The following DPYD variants were observed in gnomAD, a reference collection of about 807,000 sequenced individuals.
DPYD encodes the protein dihydropyrimidine dehydrogenase, also known as dihydropyrimidine dehydrogenase [NADP(+)].
Under a neutral mutation model 116.2 loss-of-function variants are expected in DPYD, and 109 were observed. The ratio of observed to expected loss-of-function variants is 0.94; its 90% CI spans 0.80 to 1.10. DPYD has a LOEUF of 1.10. DPYD is among the 50% of genes least tolerant of loss of function. DPYD has a pLI of 0.00. For missense variants in DPYD, 1,302 were observed against 1,254.5 expected, an observed-to-expected ratio of 1.04 and a Z score of -0.57; for synonymous variants, 440 against 432.0, an observed-to-expected ratio of 1.02 and a Z score of -0.23.
At chr1:97,690,405 A>C (rs987734727) in intron 7 of DPYD, among the ~76,000 whole-genome samples, 2 of 151,940 alleles carry the variant, frequency 1.3e-5, no homozygotes, top group South Asian at 4.1e-4. Context: ...TATAAGATAA[A>C]TGGAGAAATA....
At chr1:97,616,129 A>G (rs371765584) in intron 8 of DPYD, among the ~76,000 whole-genome samples, 123 of 147,472 alleles carry the variant, frequency 8.3e-4, no homozygotes, top group African/African-American at 3.0e-3. Flanking sequence ...TTTACACTGC[A>G]CTCTAATAAA....
intron 13 of DPYD, among the ~76,000 whole-genome samples, chr1:97,487,326 A>G (rs944091283): frequency 6.6e-6 from 1 of 152,224 alleles, no homozygotes; most frequent in Admixed American, 6.5e-5. Flanking sequence ...TAAATGGCAA[A>G]TAAGCATGTG....
At chr1:97,708,995 C>A (rs2100996953) in intron 5 of DPYD, among the ~76,000 whole-genome samples, 1 of 151,498 alleles carries the variant, frequency 6.6e-6, no homozygotes, top group South Asian at 2.1e-4. Context: ...TCCTTTTTTG[C>A]CAAAATTGTG....
At chr1:97,890,351 A>T (rs560087373) in intron 1 of DPYD, among the ~76,000 whole-genome samples, 1 of 152,096 alleles carries the variant, frequency 6.6e-6, no homozygotes, top group Admixed American at 6.6e-5. Flanking sequence ...TCACTGTAAT[A>T]CCACTAAAAC....
intron 3 of DPYD, among the ~76,000 whole-genome samples, chr1:97,769,090 G>A (rs140094576): frequency 1.3e-3 from 199 of 152,080 alleles, no homozygotes; most frequent in African/African-American, 4.7e-3. Context: ...ACTTTCTATA[G>A]CTATTCATCT....
At chr1:97,655,795 T>A (rs1658869413) in intron 8 of DPYD, among the ~76,000 whole-genome samples, 1 of 152,176 alleles carries the variant, frequency 6.6e-6, no homozygotes, top group South Asian at 2.1e-4. Context: ...TTGAATGAAC[T>A]CATGTTAGCT....
intron 2 of DPYD, among the ~76,000 whole-genome samples, chr1:97,853,013 G>A (rs1266886181): frequency 6.6e-6 from 1 of 152,114 alleles, no homozygotes; most frequent in Non-Finnish European, 1.5e-5. Context: ...AGTCTCCCCT[G>A]ATACCCAGGG....
chr1:97,509,095 A>G (rs186851912), intron 13 of DPYD, among the ~76,000 whole-genome samples: 63 of 152,100 alleles, frequency 4.1e-4, no homozygotes, highest in African/African-American at 1.5e-3. Flanking sequence ...CAAATCCATG[A>G]GTGAGAAGAA....
At chr1:97,805,192 A>T (rs1278322209) in intron 3 of DPYD, among the ~76,000 whole-genome samples, 1 of 151,890 alleles carries the variant, frequency 6.6e-6, no homozygotes, top group Non-Finnish European at 1.5e-5. Flanking sequence ...GTTTTTGAAG[A>T]ACAATCAAAT....
At chr1:97,852,154 T>C (rs1389867372) in intron 2 of DPYD, among the ~76,000 whole-genome samples, 1 of 152,012 alleles carries the variant, frequency 6.6e-6, no homozygotes, top group African/African-American at 2.4e-5. Context: ...TTCAAGTAGC[T>C]ATTACCTAGA....
chr1:97,176,957 T>C (rs767854336), intron 20 of DPYD, among the ~76,000 whole-genome samples: 10 of 151,694 alleles, frequency 6.6e-5, no homozygotes, highest in Non-Finnish European at 1.3e-4. Context: ...AGAAATATTG[T>C]TTATCTCCAG....
intron 12 of DPYD, among the ~76,000 whole-genome samples, chr1:97,536,085 C>T (rs1043715605): frequency 3.3e-5 from 5 of 152,000 alleles, no homozygotes; most frequent in African/African-American, 9.7e-5. Flanking sequence ...CTTGCCATTG[C>T]GAGAGATAAA....
At chr1:97,679,043 G>C (rs1226388745) in intron 8 of DPYD, 52 bp downstream of exon 8, 1 of 883,288 alleles carries the variant, frequency 1.1e-6, no homozygotes, top group Non-Finnish European at 1.7e-6. Flanking sequence ...GATATTGCTA[G>C]GAAATAAAAA....
intron 3 of DPYD, among the ~76,000 whole-genome samples, chr1:97,769,692 A>C (rs1008554693): frequency 3.3e-5 from 5 of 152,334 alleles, no homozygotes; most frequent in South Asian, 4.1e-4. Flanking sequence ...TTAGCTGCTT[A>C]TTCTACCTGT....
chr1:97,589,722 G>C (rs775784698), intron 10 of DPYD, among the ~76,000 whole-genome samples: 39 of 152,156 alleles, frequency 2.6e-4, no homozygotes, highest in Non-Finnish European at 3.8e-4. Flanking sequence ...ATGAGAATTA[G>C]ACTGCACCAT....
intron 18 of DPYD, among the ~76,000 whole-genome samples, chr1:97,271,053 A>C (rs985676500): frequency 6.6e-6 from 1 of 152,212 alleles, no homozygotes; most frequent in African/African-American, 2.4e-5. Context: ...CCATCAAAGG[A>C]AGCATCAAAT....
chr1:97,586,465 CATATATATATATATAT>C (rs57301424), intron 10 of DPYD, among the ~76,000 whole-genome samples: 2,571 of 34,278 alleles, frequency 0.075, 85 homozygotes, highest in Non-Finnish European at 0.099. Context: ...TACATACATA[CATATATATATATATAT>C]ATATATATAT....
intron 2 of DPYD, among the ~76,000 whole-genome samples, chr1:97,877,190 T>C (rs1671965152): frequency 1.3e-5 from 2 of 151,826 alleles, no homozygotes; most frequent in South Asian, 4.2e-4. Context: ...TTCAAAGTAG[T>C]AGAGAAGTGA....
chr1:97,808,902 T>C (rs1485849149), intron 3 of DPYD, among the ~76,000 whole-genome samples: 1 of 152,200 alleles, frequency 6.6e-6, no homozygotes, highest in South Asian at 2.1e-4. Context: ...TTTAATTTCA[T>C]TGTTCAGTTC....
Sources: allele counts gnomAD v4.1 joint callset (sites outside exome capture counted in the v4.1 genomes callset), GRCh38; gene constraint gnomAD v4.1.1; transcripts MANE v1.5; gene names NCBI Gene and HGNC (gene_info 2026-07-23, HGNC 2026-07-21).